The following SUPT3H variants were observed in gnomAD, a reference collection of about 807,000 sequenced individuals.
SUPT3H encodes SPT3 homolog, SAGA and STAGA complex component.
A neutral mutation model predicts 44.3 loss-of-function variants in SUPT3H; 44 were observed. That is an observed-to-expected ratio of 0.99 (90% CI 0.78 to 1.28). The LOEUF is 1.28. Among genes scored for constraint, SUPT3H ranks in the 50% most tolerant of loss-of-function variants. The pLI, the probability that SUPT3H is intolerant of heterozygous loss-of-function variation, is 0.00. For synonymous variants in SUPT3H, 124 were observed against 125.6 expected, an observed-to-expected ratio of 0.99 and a Z score of 0.09; for missense variants, 380 against 387.1, an observed-to-expected ratio of 0.98 and a Z score of 0.15.
intron 2 of SUPT3H, among the ~76,000 whole-genome samples, chr6:45,333,336 C>G (rs1490201942): frequency 6.6e-6 from 1 of 151,554 alleles, no homozygotes; most frequent in Non-Finnish European, 1.5e-5. Context: ...ACAGCACATA[C>G]ACATGAAACA....
chr6:45,239,901 C>G (rs556559342), intron 2 of SUPT3H, among the ~76,000 whole-genome samples: 2 of 152,312 alleles, frequency 1.3e-5, no homozygotes, highest in Admixed American at 6.5e-5. Context: ...CCATATGCAA[C>G]TTAATCTAGC....
intron 2 of SUPT3H, among the ~76,000 whole-genome samples, chr6:45,295,621 T>A: frequency 7.1e-6 from 1 of 140,540 alleles, no homozygotes; most frequent in Non-Finnish European, 1.5e-5. Flanking sequence ...CTGACAAAGG[T>A]CTAATACCCA....
chr6:45,262,559 T>C (rs1774550928), intron 2 of SUPT3H, among the ~76,000 whole-genome samples: 1 of 152,086 alleles, frequency 6.6e-6, no homozygotes, highest in African/African-American at 2.4e-5. Context: ...ACAAAAACTC[T>C]AGAAGAAAAC....
rs79202408 is a variant in SUPT3H, at chr6:44,816,361, T to C, written c.*53-6860A>G. Among the ~76,000 whole-genome samples the C allele has an allele frequency of 1.4e-3, 220 of 152,316 alleles. 4 individuals are homozygous for C. In the East Asian group the frequency reaches 0.042, roughly 29 times the overall value. ...AATGAACAACTTTATGCCAAAACTT[T>C]TGTTAACTTAGATAAGGGACAAATA... On this transcript the variant is annotated intron_variant and NMD_transcript_variant, in intron 11 of 11. Transcript: ENST00000475057.
chr6:45,041,342 G>A (rs1467085115), intron 3 of SUPT3H, among the ~76,000 whole-genome samples: 1 of 152,120 alleles, frequency 6.6e-6, no homozygotes. Context: ...CGGATTAAAG[G>A]GCTCTGGTTA....
intron 2 of SUPT3H, among the ~76,000 whole-genome samples, chr6:45,110,892 T>C (rs750194847): frequency 6.6e-6 from 1 of 152,160 alleles, no homozygotes; most frequent in Non-Finnish European, 1.5e-5. Context: ...ATAAATACTT[T>C]TTGAGAAAGT....
chr6:45,099,097 A>G, intron 3 of SUPT3H: 1 of 360,204 alleles, frequency 2.8e-6, no homozygotes. Flanking sequence ...AACATTGCCC[A>G]GCCACCAGCC....
intron 4 of SUPT3H, among the ~76,000 whole-genome samples, chr6:45,019,933 T>G (rs1719395765): frequency 6.6e-6 from 1 of 151,942 alleles, no homozygotes; most frequent in Non-Finnish European, 1.5e-5. Flanking sequence ...TAGAGAATAT[T>G]TTTGACTACC....
At chr6:45,352,414 T>C (rs1792258788) in intron 2 of SUPT3H, among the ~76,000 whole-genome samples, 1 of 152,176 alleles carries the variant, frequency 6.6e-6, no homozygotes, top group South Asian at 2.1e-4. Context: ...ATAAATTTGA[T>C]TACTATACTG....
intron 2 of SUPT3H, among the ~76,000 whole-genome samples, chr6:45,188,487 T>C (rs1814613485): frequency 6.6e-6 from 1 of 152,212 alleles, no homozygotes; most frequent in Admixed American, 6.5e-5. Flanking sequence ...TTCTAATTTA[T>C]AGCAATCAGG....
chr6:45,013,899 G>C (rs1331389521), intron 5 of SUPT3H, among the ~76,000 whole-genome samples: 3 of 152,024 alleles, frequency 2.0e-5, no homozygotes, highest in African/African-American at 7.2e-5. Flanking sequence ...AGCAGGTCAT[G>C]GTTTAAATGC....
At chr6:44,871,054 G>A (rs1036646435) in intron 10 of SUPT3H, among the ~76,000 whole-genome samples, 90 of 149,542 alleles carry the variant, frequency 6.0e-4, no homozygotes, top group Middle Eastern at 7.1e-3. Context: ...ACTGCAAGGC[G>A]GCAACGAGGC....
At chr6:45,113,945 T>G (rs1013313213) in intron 2 of SUPT3H, among the ~76,000 whole-genome samples, 1 of 152,046 alleles carries the variant, frequency 6.6e-6, no homozygotes, top group East Asian at 1.9e-4. Context: ...CCCCTTCTGA[T>G]AGTAAACATT....
chr6:44,854,954 A>T (rs1260662298), intron 10 of SUPT3H, among the ~76,000 whole-genome samples: 1 of 152,216 alleles, frequency 6.6e-6, no homozygotes, highest in African/African-American at 2.4e-5. Context: ...TCTAAAAGAT[A>T]AGCACAAAGA....
At chr6:44,854,733 A>T (rs1773446169) in intron 10 of SUPT3H, among the ~76,000 whole-genome samples, 1 of 152,230 alleles carries the variant, frequency 6.6e-6, no homozygotes, top group Non-Finnish European at 1.5e-5. Flanking sequence ...ATTTAAATGT[A>T]TCTAAAATGT....
chr6:44,912,468 T>TCCC (rs2153453469), intron 10 of SUPT3H, among the ~76,000 whole-genome samples: 1 of 152,324 alleles, frequency 6.6e-6, no homozygotes, highest in African/African-American at 2.4e-5. Flanking sequence ...ATGTTTTGCA[T>TCCC]CCCCATTCAT....
chr6:45,203,190 A>G (rs1274027901), intron 2 of SUPT3H, among the ~76,000 whole-genome samples: 1 of 152,196 alleles, frequency 6.6e-6, no homozygotes, highest in Non-Finnish European at 1.5e-5. Flanking sequence ...ACAGGCACTG[A>G]GGAGACAGAA....
At chr6:45,158,289 TATATATATA>T (rs1267543129) in intron 2 of SUPT3H, among the ~76,000 whole-genome samples, 24 of 44,696 alleles carry the variant, frequency 5.4e-4, no homozygotes, top group Non-Finnish European at 8.7e-4. Context: ...TATATATATA[TATATATATA>T]TTTTTTTTTT....
At chr6:45,182,629 A>G (rs1430266236) in intron 2 of SUPT3H, among the ~76,000 whole-genome samples, 1 of 152,192 alleles carries the variant, frequency 6.6e-6, no homozygotes, top group Non-Finnish European at 1.5e-5. Context: ...TTCAATTTTT[A>G]AGTTGTAATT....
Sources: allele counts gnomAD v4.1 joint callset (sites outside exome capture counted in the v4.1 genomes callset), GRCh38; gene constraint gnomAD v4.1.1; transcripts MANE v1.5; gene names NCBI Gene and HGNC (gene_info 2026-07-23, HGNC 2026-07-21).